TMEM44: variants seen among roughly 807,000 people sequenced by gnomAD.
TMEM44 encodes the protein transmembrane protein 44.
A neutral mutation model predicts 47.8 loss-of-function variants in TMEM44; 43 were observed. That is an observed-to-expected ratio of 0.90 (90% confidence interval 0.70 to 1.16). The LOEUF (loss-of-function observed/expected upper bound fraction) is 1.16, where lower values mean the gene tolerates loss of function less well. Among genes scored for constraint, TMEM44 ranks in the 50% most tolerant of loss-of-function variants. The probability of loss-of-function intolerance (pLI) is 0.00; values close to 1 mark genes in which losing one functional copy is unlikely to be tolerated. For synonymous variants in TMEM44, 277 were observed against 238.8 expected (o/e 1.16, Z -1.48); for missense variants, 568 against 555.2 (o/e 1.02, Z -0.23).
intron 9 of TMEM44, among the ~76,000 whole-genome samples, chr3:194,599,202 CG>C (rs1365514576): frequency 6.6e-6 from 1 of 152,182 alleles, no homozygotes; most frequent in East Asian, 1.9e-4. Context: ...AAGAGTAAGG[CG>C]GGGGACCAGA....
chr3:194,625,890 CA>C lies in TMEM44; in HGVS notation c.358+6del. 1.9e-6 allele frequency: 3 copies of C among 1,608,332 alleles called. No individual in the cohort carries two copies. Among genetic ancestry groups the C allele is most frequent in the Non-Finnish European group, 2.6e-6 (3 of 1,174,864 alleles). ...ATAAAGACAGGAAAAGACAGCCACACACTCACCTGAATTAGACTTGAATTTG... is the reference window on the plus strand; with the variant it reads ...ATAAAGACAGGAAAAGACAGCCACACCTCACCTGAATTAGACTTGAATTTG... On this transcript the variant is annotated splice_donor_region_variant and intron_variant, in intron 3 of 9. Transcript: ENST00000347147.
At chr3:194,632,905 A>C in intron 1 of TMEM44, 174 bp downstream of exon 1, 31 of 1,039,230 alleles carry the variant, frequency 3.0e-5, no homozygotes, top group Non-Finnish European at 3.9e-5. Context: ...TGTGCGTGGG[A>C]TCCGGAAAGA....
At chr3:194,625,447 T>C (rs1717053298) in intron 3 of TMEM44, among the ~76,000 whole-genome samples, 1 of 145,080 alleles carries the variant, frequency 6.9e-6, no homozygotes, top group Non-Finnish European at 1.5e-5. Flanking sequence ...GGGGGGTTGT[T>C]TTTGTTTTTT....
intron 1 of TMEM44, among the ~76,000 whole-genome samples, chr3:194,629,853 G>A (rs865841291): frequency 3.5e-5 from 3 of 85,492 alleles, no homozygotes; most frequent in African/African-American, 1.5e-4. Flanking sequence ...GAAATAATAC[G>A]CTGTCGTACC....
chr3:194,622,427 G>A (rs1716644770), intron 5 of TMEM44: 1 of 152,120 alleles, frequency 6.6e-6, no homozygotes, highest in African/African-American at 2.4e-5. Context: ...TGTCTTCCAT[G>A]AGACTGAGCT....
intron 3 of TMEM44, among the ~76,000 whole-genome samples, chr3:194,624,378 G>A (rs368987696): frequency 2.6e-5 from 4 of 152,182 alleles, no homozygotes; most frequent in South Asian, 4.2e-4. Context: ...GCATTGAGCC[G>A]CTGAGGGCAT....
chr3:194,592,927 T>C (rs1408470140), intron 9 of TMEM44: 18 of 1,324,402 alleles, frequency 1.4e-5, no homozygotes, highest in Non-Finnish European at 1.9e-5. Context: ...ATTCTTTTTT[T>C]ACTGAAGGAA....
chr3:194,596,501 G>A (rs1407370797), intron 9 of TMEM44, among the ~76,000 whole-genome samples: 1 of 152,148 alleles, frequency 6.6e-6, no homozygotes, highest in Non-Finnish European at 1.5e-5. Context: ...TGTGTAAGAA[G>A]TGACTCAGTG....
chr3:194,594,157 A>G (rs907318479), intron 9 of TMEM44, among the ~76,000 whole-genome samples: 156 of 96,682 alleles, frequency 1.6e-3, no homozygotes, highest in East Asian at 0.016. Context: ...CTATCTATCT[A>G]TCTATCTATA....
chr3:194,606,102 T>C lies in TMEM44; in HGVS notation c.1018-1657A>G, dbSNP rs138454684. 2.7e-3 allele frequency among the ~76,000 whole-genome samples: 409 copies of C among 152,264 alleles called. 5 individuals carry two copies. The highest frequency in any genetic ancestry group is 5.0e-3 in the South Asian group (24 of 4,820). On this transcript the variant is annotated intron_variant, in intron 8 of 9. Coordinates refer to ENST00000347147, the MANE Select transcript of TMEM44 (RefSeq NM_001011655.3). ...CCAGGAACAACAATGACAAATTCTATAAATGCCCAAGGCCTGACCACACCT... is the reference window on the plus strand; with the variant it reads ...CCAGGAACAACAATGACAAATTCTACAAATGCCCAAGGCCTGACCACACCT...
chr3:194,626,928 A>ATTTT (rs34763580), intron 2 of TMEM44, among the ~76,000 whole-genome samples: 1 of 139,474 alleles, frequency 7.2e-6, no homozygotes, highest in Non-Finnish European at 1.5e-5. Context: ...GACCTACTGT[A>ATTTT]TTTTTTTTTT....
At chr3:194,589,806 C>CTCCAGTTCTCCTCCTG (rs1712391525) in intron 9 of TMEM44, 1 of 152,142 alleles carries the variant, frequency 6.6e-6, no homozygotes, top group African/African-American at 2.4e-5. Flanking sequence ...AGGGATTGGG[C>CTCCAGTTCTCCTCCTG]TCCAGTTCTC....
Position 194,604,317 on chromosome 3 carries a change from A to G in TMEM44, c.1146T>C (p.Ser382=). The G allele has an allele frequency of 6.3e-7, 1 of 1,580,880 alleles. No homozygotes were observed. Among genetic ancestry groups the G allele is most frequent in the Non-Finnish European group, 8.6e-7 (1 of 1,164,118 alleles). Residue 382 remains serine (S), a synonymous_variant, in exon 9 of 10, where the codon TCT becomes TCC. Coordinates refer to ENST00000347147, the MANE Select transcript of TMEM44 (RefSeq NM_001011655.3). ...IRARVSSGSS[S]EVSSINSDLE... is the part of the protein sequence containing the mutation. ...GGTCGGAGTTGATGGAGGAGACCTCAGAGGAGCTGCCGGAAGACACCCGGG... is the reference window on the plus strand; with the variant it reads ...GGTCGGAGTTGATGGAGGAGACCTCGGAGGAGCTGCCGGAAGACACCCGGG...
In TMEM44 at chr3:194,610,951, G is replaced by A. The variant is rs201606568; in HGVS notation, c.982C>T (p.Arg328Cys). The A allele has an allele frequency of 1.4e-5, 23 of 1,613,978 alleles. No individual in the cohort carries two copies. Among genetic ancestry groups the A allele is most frequent in the East Asian group, 8.9e-5 (4 of 44,888 alleles). Residue 328 changes from arginine (R) to cysteine (C), a missense_variant, in exon 8 of 10, where the codon CGC becomes TGC. Transcript: ENST00000347147. ...KSLRTMTAIS[R>C]YMELTIEPVQ... ...GGCTCGATGGTCAGCTCCATGTAGC[G>A]ACTGATTGCTGTCATTGTCCTCAGT...
intron 9 of TMEM44, among the ~76,000 whole-genome samples, chr3:194,600,217 A>C (rs1713920889): frequency 6.6e-6 from 1 of 152,110 alleles, no homozygotes; most frequent in Admixed American, 6.6e-5. Context: ...TCAGTCTCCC[A>C]AGTAGCTGGG....
intron 8 of TMEM44, among the ~76,000 whole-genome samples, chr3:194,605,936 T>C (rs952527952): frequency 6.6e-6 from 1 of 152,006 alleles, no homozygotes; most frequent in African/African-American, 2.4e-5. Context: ...CAGAGTCAGG[T>C]GGACTGGCAG....
chr3:194,622,536 C>A (rs73085026), intron 5 of TMEM44: 4,881 of 151,776 alleles, frequency 0.032, 282 homozygotes, highest in African/African-American at 0.11. Context: ...AATGCCTGCC[C>A]ATAAGACACT....
chr3:194,598,192 C>A (rs1000974676), intron 9 of TMEM44, among the ~76,000 whole-genome samples: 1 of 151,994 alleles, frequency 6.6e-6, no homozygotes, highest in Non-Finnish European at 1.5e-5. Context: ...CGTCTGGTAC[C>A]CTGACCAGTG....
intron 5 of TMEM44, among the ~76,000 whole-genome samples, chr3:194,618,623 T>A (rs1442802824): frequency 6.7e-6 from 1 of 149,870 alleles, no homozygotes; most frequent in East Asian, 1.9e-4. Flanking sequence ...TAAAATTTAG[T>A]TTATATACAT....
Sources: allele counts gnomAD v4.1 joint callset (sites outside exome capture counted in the v4.1 genomes callset), GRCh38; gene constraint gnomAD v4.1.1; transcripts MANE v1.5; gene names NCBI Gene and HGNC (gene_info 2026-07-23, HGNC 2026-07-21).